ITGB5: variants seen among roughly 807,000 people sequenced by gnomAD.
ITGB5 encodes the protein integrin beta-5.
ITGB5 carries 38 observed loss-of-function variants against 84.8 expected under a neutral mutation model. That is an observed-to-expected ratio of 0.45 (90% CI 0.35 to 0.59). ITGB5 has a LOEUF of 0.59. ITGB5 is among the 20% of genes least tolerant of loss of function. ITGB5 has a pLI of 0.01. For synonymous variants in ITGB5, 393 were observed against 414.4 expected (o/e 0.95, Z 0.63); for missense variants, 905 against 1,034.5 (o/e 0.87, Z 1.72).
At chr3:124,812,912 G>A (rs949447201) in intron 8 of ITGB5, among the ~76,000 whole-genome samples, 1 of 152,186 alleles carries the variant, frequency 6.6e-6, no homozygotes, top group African/African-American at 2.4e-5. Context: ...CAGATGGTCT[G>A]CCAGCACTCT....
chr3:124,861,495 T>TATACAC lies in ITGB5; in HGVS notation c.157-2050_157-2049insGTGTAT, dbSNP rs750712591. 5.3e-3 allele frequency among the ~76,000 whole-genome samples: 594 copies of TATACAC among 111,984 alleles called. 6 individuals carry two copies. The highest frequency in any genetic ancestry group is 0.021 in the African/African-American group (558 of 26,530). The allele number at this position is 111,984 out of a possible 152,430, so 73.5% of individuals were successfully genotyped here. A position where few individuals can be genotyped will look rare whatever the true frequency, so the allele number is the denominator to read the frequency against. On this transcript the variant is annotated intron_variant, in intron 2 of 14. Coordinates refer to ENST00000296181, the MANE Select transcript of ITGB5 (RefSeq NM_002213.5). ...ACAAAACAAAACATATATATATATA[T>TATACAC]ACACACACACACACACACACACACA...
intron 10 of ITGB5, among the ~76,000 whole-genome samples, chr3:124,779,698 G>C: frequency 6.6e-6 from 1 of 152,130 alleles, no homozygotes; most frequent in East Asian, 1.9e-4. Flanking sequence ...TATTTAAATG[G>C]GGCCAGTAAA....
In ITGB5 at chr3:124,821,540, C is replaced by T. The variant is rs1037775171; in HGVS notation, c.781-66G>A. The stretch of plus-strand genomic sequence containing the variant: ...CCAGTCCTGCCCTGGTCATGCAGGG[C>T]ACTGGCCCCTCTCCAGGAGTCACGG... On this transcript the variant is annotated intron_variant, in intron 5 of 14. Transcript: ENST00000296181. 4.5e-6 allele frequency: 7 copies of T among 1,552,714 alleles called. No individual in the cohort carries two copies. The Admixed American group carries it at 1.2e-4, about 26-fold the overall frequency.
chr3:124,876,607 G>A (rs1375531389), intron 1 of ITGB5, among the ~76,000 whole-genome samples: 1 of 152,200 alleles, frequency 6.6e-6, no homozygotes, highest in African/African-American at 2.4e-5. Flanking sequence ...CAGAGGGAAG[G>A]GAGAAACAGG....
chr3:124,815,403 A>C (rs1228602263), intron 8 of ITGB5, among the ~76,000 whole-genome samples: 1 of 152,232 alleles, frequency 6.6e-6, no homozygotes, highest in African/African-American at 2.4e-5. Flanking sequence ...AATGCTGACA[A>C]GTGGCCCCTC....
chr3:124,809,656 C>T (rs1202725870), intron 8 of ITGB5, among the ~76,000 whole-genome samples: 1 of 152,108 alleles, frequency 6.6e-6, no homozygotes, highest in African/African-American at 2.4e-5. Context: ...TCCAGGAATA[C>T]ACCCTGTCAT....
At chr3:124,842,369 A>G (rs77019735) in intron 4 of ITGB5, among the ~76,000 whole-genome samples, 4 of 152,232 alleles carry the variant, frequency 2.6e-5, no homozygotes, top group Admixed American at 2.6e-4. Flanking sequence ...GTTACTTTCC[A>G]TTACAGCTCT....
At chr3:124,772,718 A>T (rs2063863957) in intron 11 of ITGB5, among the ~76,000 whole-genome samples, 1 of 152,102 alleles carries the variant, frequency 6.6e-6, no homozygotes, top group Admixed American at 6.5e-5. Context: ...GAGCAGGAGG[A>T]GGTCAGCACG....
intron 1 of ITGB5, among the ~76,000 whole-genome samples, chr3:124,898,444 C>T (rs1167527347): frequency 2.7e-5 from 4 of 147,338 alleles, no homozygotes; most frequent in Admixed American, 6.8e-5. Context: ...GAGATCGAGA[C>T]CATCCTGGCT....
In ITGB5 at chr3:124,892,803, G is replaced by T. The variant is rs1048403966; in HGVS notation, c.-255+8463C>A. Among the ~76,000 whole-genome samples the T allele has an allele frequency of 4.6e-5, 7 of 151,492 alleles. No individual in the cohort carries two copies. The East Asian group carries it at 1.4e-3, about 29-fold the overall frequency. The stretch of plus-strand genomic sequence containing the variant: ...AAAAATCAGATTCGTTAAGTTTCCT[G>T]TTTCACAATTCAGATTTACCAACTC... On this transcript the variant is annotated intron_variant, in intron 1 of 4. Coordinates refer to the ITGB5 transcript ENST00000608657.
chr3:124,870,366 T>C (rs1306231463), intron 2 of ITGB5, among the ~76,000 whole-genome samples: 1 of 152,166 alleles, frequency 6.6e-6, no homozygotes, highest in East Asian at 1.9e-4. Flanking sequence ...AGCCATCCAG[T>C]GAAATCCTTT....
chr3:124,825,196 C>CAAA (rs532997344), intron 5 of ITGB5, among the ~76,000 whole-genome samples: 1 of 79,246 alleles, frequency 1.3e-5, no homozygotes, highest in Admixed American at 1.3e-4. Flanking sequence ...GACTCCGTCT[C>CAAA]AAAAAAAAAA....
intron 9 of ITGB5, among the ~76,000 whole-genome samples, chr3:124,797,101 G>A (rs932542699): frequency 6.6e-5 from 10 of 152,014 alleles, no homozygotes; most frequent in African/African-American, 1.7e-4. Context: ...GGGCCCCTGC[G>A]GAAAGCTATA....
chr3:124,840,492 T>C (rs922144256), intron 5 of ITGB5, among the ~76,000 whole-genome samples: 1 of 152,120 alleles, frequency 6.6e-6, no homozygotes, highest in African/African-American at 2.4e-5. Context: ...TTTAAGACTA[T>C]GTTATCACCA....
intron 12 of ITGB5, among the ~76,000 whole-genome samples, chr3:124,767,549 T>C (rs2063784465): frequency 6.6e-6 from 1 of 152,186 alleles, no homozygotes; most frequent in Admixed American, 6.5e-5. Flanking sequence ...AGGAAGGCAT[T>C]GTTTCCTTCT....
chr3:124,857,558 T>C (rs1217662737), intron 3 of ITGB5, among the ~76,000 whole-genome samples: 1 of 152,048 alleles, frequency 6.6e-6, no homozygotes, highest in African/African-American at 2.4e-5. Context: ...CATCTACAAA[T>C]AGCTACTGCC....
intron 2 of ITGB5, among the ~76,000 whole-genome samples, chr3:124,868,668 G>T (rs972483786): frequency 5.4e-5 from 8 of 148,690 alleles, no homozygotes; most frequent in African/African-American, 2.0e-4. Flanking sequence ...GGATGTTGTG[G>T]AATAGGTCTA....
chr3:124,783,764 G>C (rs2064040312), intron 10 of ITGB5, among the ~76,000 whole-genome samples: 2 of 152,214 alleles, frequency 1.3e-5, no homozygotes, highest in Admixed American at 6.5e-5. Context: ...TTCTCTGGAA[G>C]AACATGGTTG....
intron 9 of ITGB5, among the ~76,000 whole-genome samples, chr3:124,800,885 G>A (rs1165974160): frequency 6.6e-6 from 1 of 152,142 alleles, no homozygotes; most frequent in Admixed American, 6.5e-5. Context: ...CCATTCATTC[G>A]CTCTGAGATT....
Sources: allele counts gnomAD v4.1 joint callset (sites outside exome capture counted in the v4.1 genomes callset), GRCh38; gene constraint gnomAD v4.1.1; transcripts MANE v1.5; gene names NCBI Gene and HGNC (gene_info 2026-07-23, HGNC 2026-07-21).